The following SGMS2 variants were observed in gnomAD, a reference collection of about 807,000 sequenced individuals.
SGMS2 encodes sphingomyelin synthase 2.
In SGMS2, 21 loss-of-function variants were observed where a neutral mutation model predicts 43.8. The observed-to-expected ratio is 0.48, with a 90% CI of 0.34 to 0.69. The LOEUF (loss-of-function observed/expected upper bound fraction) is 0.69. SGMS2 is among the 30% of genes least tolerant of loss of function. The pLI is 0.01. For missense variants in SGMS2, 384 were observed against 443.2 expected (o/e 0.87, Z 1.20); for synonymous variants, 167 against 160.6 (o/e 1.04, Z -0.30).
intron 1 of SGMS2, among the ~76,000 whole-genome samples, chr4:107,842,409 A>G (rs1726570952): frequency 6.6e-6 from 1 of 152,192 alleles, no homozygotes; most frequent in South Asian, 2.1e-4. Flanking sequence ...TTAAACAACC[A>G]GATCTCATGT....
intron 2 of SGMS2, among the ~76,000 whole-genome samples, chr4:107,891,070 G>A (rs1730171947): frequency 6.6e-6 from 1 of 151,858 alleles, no homozygotes; most frequent in South Asian, 2.1e-4. Flanking sequence ...CCCTTAAGTA[G>A]TCAAAATTAA....
chr4:107,832,713 A>G (rs1366410561), intron 1 of SGMS2, among the ~76,000 whole-genome samples: 1 of 152,196 alleles, frequency 6.6e-6, no homozygotes, highest in Non-Finnish European at 1.5e-5. Flanking sequence ...ACTAGATTAT[A>G]TATTTCAATA....
At chr4:107,826,963 C>A (rs1384032131) in intron 1 of SGMS2, among the ~76,000 whole-genome samples, 2 of 152,194 alleles carry the variant, frequency 1.3e-5, no homozygotes, top group Non-Finnish European at 2.9e-5. Context: ...ATCCAGGAGA[C>A]CTGAGGCTCT....
At chr4:107,867,296 G>T (rs1274079294) in intron 2 of SGMS2, 2 of 152,180 alleles carry the variant, frequency 1.3e-5, no homozygotes, top group African/African-American at 4.8e-5. Context: ...TGGAAAGATT[G>T]GAGGAGTTAC....
intron 2 of SGMS2, among the ~76,000 whole-genome samples, chr4:107,875,927 C>G (rs1373317938): frequency 6.6e-6 from 1 of 152,148 alleles, no homozygotes; most frequent in African/African-American, 2.4e-5. Context: ...CTTCAGGACA[C>G]TAGGAGCTTT....
chr4:107,872,050 A>C (rs1240110456), intron 2 of SGMS2, among the ~76,000 whole-genome samples: 1 of 152,206 alleles, frequency 6.6e-6, no homozygotes, highest in Non-Finnish European at 1.5e-5. Flanking sequence ...AAGAACTCAA[A>C]GGCAAAAATC....
chr4:107,904,861 G>C (rs746068148), intron 5 of SGMS2, among the ~76,000 whole-genome samples: 3 of 152,116 alleles, frequency 2.0e-5, no homozygotes, highest in Non-Finnish European at 4.4e-5. Context: ...AGTTCCATGA[G>C]TATGCTATGT....
chr4:107,900,473 G>A (rs918696163), intron 4 of SGMS2, among the ~76,000 whole-genome samples: 7 of 152,252 alleles, frequency 4.6e-5, no homozygotes, highest in Admixed American at 2.0e-4. Context: ...CTAATAAGTT[G>A]GATATGGGTT....
rs1002212877 is a variant in SGMS2, at chr4:107,911,728, G to A, written c.*1175G>A. ...TGGTGCTGCACTATAATATACTCTC[G>A]GAATCAGTGTGTTAGTTACAGCTAT... On this transcript the variant is annotated 3_prime_UTR_variant, in exon 7 of 7. Transcript: ENST00000690982. 3.9e-5 allele frequency: 6 copies of A among 151,956 alleles called. No homozygotes were observed. The highest frequency in any genetic ancestry group is 9.7e-5 in the African/African-American group (4 of 41,354). The allele number at this position is 151,956 out of a possible 1,614,324, so 9.4% of individuals were successfully genotyped here.
chr4:107,877,993 G>A (rs1368837345), intron 2 of SGMS2, among the ~76,000 whole-genome samples: 1 of 139,284 alleles, frequency 7.2e-6, no homozygotes, highest in Non-Finnish European at 1.5e-5. Context: ...TCGGCTCACT[G>A]CAACCTCCAC....
At chr4:107,885,286 A>T (rs977918993) in intron 2 of SGMS2, among the ~76,000 whole-genome samples, 3 of 152,216 alleles carry the variant, frequency 2.0e-5, no homozygotes, top group Non-Finnish European at 2.9e-5. Context: ...TTAAAATTAG[A>T]AAATGATTGT....
At chr4:107,889,041 C>G (rs1166091681) in intron 2 of SGMS2, among the ~76,000 whole-genome samples, 1 of 152,108 alleles carries the variant, frequency 6.6e-6, no homozygotes, top group East Asian at 1.9e-4. Flanking sequence ...TTGTTCATTC[C>G]TGGGTGTAGG....
rs1730209150 is a variant in SGMS2, at chr4:107,891,428, C to G, written c.-244-3882C>G. On this transcript the variant is annotated intron_variant, in intron 2 of 6. Coordinates refer to ENST00000690982, the MANE Select transcript of SGMS2 (RefSeq NM_001375905.1). ...ATTTTAACTTTAGCCAAGACAAACC[C>G]CAATTTAGTTATCTAGGGGTTGTTG... 3.3e-5 allele frequency among the ~76,000 whole-genome samples: 5 copies of G among 152,180 alleles called. No individual in the cohort carries two copies. In the South Asian group the frequency reaches 1.0e-3, roughly 32 times the overall value.
intron 2 of SGMS2, chr4:107,864,106 TGTGTAG>T (rs1179858899): frequency 6.6e-6 from 1 of 152,212 alleles, no homozygotes; most frequent in East Asian, 1.9e-4. Context: ...GCTGAAGAGA[TGTGTAG>T]GAGCATAGGT....
chr4:107,908,504 CTG>C lies in SGMS2; in HGVS notation c.728-59_728-58del. The C allele has an allele frequency of 2.0e-6, 3 of 1,517,458 alleles. No homozygotes were observed. The South Asian group carries it at 3.7e-5, about 19-fold the overall frequency. The allele number at this position is 1,517,458 out of a possible 1,614,324, so 94.0% of individuals were successfully genotyped here. A position where few individuals can be genotyped will look rare whatever the true frequency, so the allele number is the denominator to read the frequency against. On this transcript the variant is annotated intron_variant, in intron 5 of 6. Transcript: ENST00000690982. The stretch of plus-strand genomic sequence containing the variant: ...TTCTACTTAAGGTCGTTAGGACAGA[CTG>C]TAATCATTACATTCATCTCTGGGAA...
chr4:107,831,883 G>T (rs1403256745), intron 1 of SGMS2, among the ~76,000 whole-genome samples: 1 of 152,206 alleles, frequency 6.6e-6, no homozygotes, highest in Non-Finnish European at 1.5e-5. Context: ...CAATATGCCT[G>T]CCCTCTTAGC....
intron 2 of SGMS2, among the ~76,000 whole-genome samples, chr4:107,889,263 T>C (rs1730010543): frequency 6.6e-6 from 1 of 152,196 alleles, no homozygotes; most frequent in African/African-American, 2.4e-5. Context: ...GGAAAGTTCA[T>C]TCAGCTTTGG....
intron 2 of SGMS2, among the ~76,000 whole-genome samples, chr4:107,879,164 C>G (rs1729151133): frequency 6.9e-6 from 1 of 145,310 alleles, no homozygotes; most frequent in Non-Finnish European, 1.5e-5. Flanking sequence ...TAATCTAGCT[C>G]TTAGTAAATT....
At chr4:107,839,092 G>A (rs1205363229) in intron 1 of SGMS2, among the ~76,000 whole-genome samples, 1 of 152,150 alleles carries the variant, frequency 6.6e-6, no homozygotes, top group Non-Finnish European at 1.5e-5. Flanking sequence ...AGTCATATAT[G>A]AAAACCTGTG....
Sources: gnomAD v4.1 joint callset for allele counts (sites outside exome capture counted in the v4.1 genomes callset) on GRCh38, gnomAD v4.1.1 for gene constraint, MANE v1.5 for transcripts, NCBI Gene and HGNC (gene_info 2026-07-23, HGNC 2026-07-21) for gene names.